Variants in MAGI3 observed in about 807,000 individuals in gnomAD.
MAGI3 encodes the protein membrane associated guanylate kinase, WW and PDZ domain containing 3, also known as membrane-associated guanylate kinase, WW and PDZ domain-containing protein 3.
In MAGI3, 43 loss-of-function variants were observed where a neutral mutation model predicts 121.8. The observed-to-expected ratio is 0.35, with a 90% CI of 0.28 to 0.46. The LOEUF is 0.46. Ranked by LOEUF, MAGI3 falls within the 20% of genes least tolerant of loss-of-function variation. The pLI, the probability that MAGI3 is intolerant of heterozygous loss-of-function variation, is 1.00. For missense variants in MAGI3, 1,547 were observed against 1,797.3 expected (o/e 0.86, Z 2.52); for synonymous variants, 553 against 639.3 (o/e 0.86, Z 2.04).
chr1:113,624,646 C>G (rs1570957519), intron 9 of MAGI3, among the ~76,000 whole-genome samples: 2 of 152,224 alleles, frequency 1.3e-5, no homozygotes, highest in Non-Finnish European at 1.5e-5. Flanking sequence ...AAGATTTTCT[C>G]CCATTCTGTG....
intron 2 of MAGI3, among the ~76,000 whole-genome samples, chr1:113,551,154 C>T (rs534445112): frequency 6.6e-6 from 1 of 152,232 alleles, no homozygotes; most frequent in Non-Finnish European, 1.5e-5. Flanking sequence ...ACTTAATGTT[C>T]CTGATCCTCA....
chr1:113,553,283 A>T (rs1659856873), intron 2 of MAGI3, among the ~76,000 whole-genome samples: 19 of 152,138 alleles, frequency 1.2e-4, no homozygotes, highest in Admixed American at 1.2e-3. Flanking sequence ...AAGGGACAGA[A>T]ATCTGAGTTC....
chr1:113,510,957 T>C (rs1436097879), intron 1 of MAGI3, among the ~76,000 whole-genome samples: 3 of 152,238 alleles, frequency 2.0e-5, no homozygotes, highest in Admixed American at 2.0e-4. Context: ...ATAACATTAA[T>C]ACATTACATT....
intron 1 of MAGI3, among the ~76,000 whole-genome samples, chr1:113,485,148 T>A (rs928771671): frequency 6.6e-6 from 1 of 152,234 alleles, no homozygotes; most frequent in Non-Finnish European, 1.5e-5. Context: ...CTTTTTCTTA[T>A]AATGACTTCT....
At chr1:113,609,721 T>C (rs1650003919) in intron 6 of MAGI3, among the ~76,000 whole-genome samples, 1 of 152,168 alleles carries the variant, frequency 6.6e-6, no homozygotes, top group Admixed American at 6.5e-5. Flanking sequence ...AGAAAAATCC[T>C]ATTTGGGGAA....
intron 10 of MAGI3, among the ~76,000 whole-genome samples, chr1:113,643,322 G>A (rs1032750404): frequency 6.6e-6 from 1 of 152,094 alleles, no homozygotes; most frequent in Non-Finnish European, 1.5e-5. Flanking sequence ...TCTTATTCTC[G>A]TTTCTTTGAT....
chr1:113,609,473 A>C (rs980088917), intron 6 of MAGI3, among the ~76,000 whole-genome samples: 1 of 151,918 alleles, frequency 6.6e-6, no homozygotes, highest in Non-Finnish European at 1.5e-5. Context: ...TTTATCTTCT[A>C]TTCAAATAAA....
intron 1 of MAGI3, among the ~76,000 whole-genome samples, chr1:113,435,785 C>T (rs926408808): frequency 1.3e-5 from 2 of 152,212 alleles, no homozygotes; most frequent in African/African-American, 4.8e-5. Flanking sequence ...GAAAAAGGGA[C>T]AGCAAAGAAC....
intron 1 of MAGI3, among the ~76,000 whole-genome samples, chr1:113,447,119 G>A (rs1275277690): frequency 6.6e-6 from 1 of 152,208 alleles, no homozygotes; most frequent in Non-Finnish European, 1.5e-5. Flanking sequence ...CTACTGAACT[G>A]TACACTTAAA....
intron 3 of MAGI3, among the ~76,000 whole-genome samples, chr1:113,585,167 C>T (rs1277962117): frequency 4.0e-5 from 6 of 151,640 alleles, no homozygotes; most frequent in African/African-American, 7.3e-5. Context: ...TGGGTTTTGC[C>T]GTGTTGGCCA....
At chr1:113,542,129 G>A (rs1056389124) in intron 1 of MAGI3, among the ~76,000 whole-genome samples, 1 of 151,930 alleles carries the variant, frequency 6.6e-6, no homozygotes, top group Non-Finnish European at 1.5e-5. Context: ...TTATTCTTGG[G>A]GGATATGTCC....
chr1:113,455,936 C>T (rs956088149), intron 1 of MAGI3, among the ~76,000 whole-genome samples: 2 of 151,442 alleles, frequency 1.3e-5, no homozygotes, highest in African/African-American at 2.4e-5. Flanking sequence ...TAACCTCTTC[C>T]GTTTTTTCTT....
chr1:113,637,309 A>G (rs1652101490), intron 9 of MAGI3, among the ~76,000 whole-genome samples: 1 of 152,166 alleles, frequency 6.6e-6, no homozygotes, highest in Non-Finnish European at 1.5e-5. Flanking sequence ...TAGTTGATGC[A>G]GTTTCTTCCT....
intron 2 of MAGI3, among the ~76,000 whole-genome samples, chr1:113,555,031 A>G (rs188666066): frequency 4.1e-4 from 62 of 152,096 alleles, no homozygotes; most frequent in East Asian, 2.3e-3. Context: ...GATAAATTAC[A>G]TGCAAGGGAA....
chr1:113,632,008 C>T (rs905152010), intron 9 of MAGI3, among the ~76,000 whole-genome samples: 2 of 152,144 alleles, frequency 1.3e-5, no homozygotes, highest in Non-Finnish European at 2.9e-5. Context: ...GCAGTGTTTG[C>T]TAGACTTTTC....
At chr1:113,450,949 T>C (rs2101486672) in intron 1 of MAGI3, among the ~76,000 whole-genome samples, 1 of 152,342 alleles carries the variant, frequency 6.6e-6, no homozygotes, top group South Asian at 2.1e-4. Context: ...TTGCAAAAAG[T>C]GCAGTTATTG....
chr1:113,524,282 G>A (rs1489436976), intron 1 of MAGI3, among the ~76,000 whole-genome samples: 1 of 152,096 alleles, frequency 6.6e-6, no homozygotes, highest in Non-Finnish European at 1.5e-5. Flanking sequence ...CCCCACTGGG[G>A]TGCTGCCTCG....
At chr1:113,425,432 G>A (rs934909142) in intron 1 of MAGI3, among the ~76,000 whole-genome samples, 8 of 150,950 alleles carry the variant, frequency 5.3e-5, no homozygotes, top group Admixed American at 1.3e-4. Context: ...ACAGGCGCCC[G>A]CCACCACGCC....
At chr1:113,437,993 T>C (rs991554658) in intron 1 of MAGI3, among the ~76,000 whole-genome samples, 10 of 151,068 alleles carry the variant, frequency 6.6e-5, no homozygotes, top group African/African-American at 2.2e-4. Flanking sequence ...GGGATCTCTC[T>C]ATGTTGCGCA....
Sources: gnomAD v4.1 joint callset for allele counts (sites outside exome capture counted in the v4.1 genomes callset) on GRCh38, gnomAD v4.1.1 for gene constraint, MANE v1.5 for transcripts, NCBI Gene and HGNC (gene_info 2026-07-23, HGNC 2026-07-21) for gene names.